The following BSN variants were observed in gnomAD, a reference collection of about 807,000 sequenced individuals.
BSN encodes protein bassoon.
A neutral mutation model predicts 264.8 loss-of-function variants in BSN; 57 were observed. The observed-to-expected ratio is 0.22, with a 90% confidence interval of 0.17 to 0.27. The LOEUF is 0.27. Among genes scored for constraint, BSN ranks in the 10% least tolerant of loss-of-function variants. The pLI is 1.00. For missense variants in BSN, 4,615 were observed against 5,232.5 expected (o/e 0.88, Z 3.64); for synonymous variants, 2,059 against 2,137.3 (o/e 0.96, Z 1.01).
chr3:49,559,925 A>G (rs570109128), intron 1 of BSN, among the ~76,000 whole-genome samples: 1 of 152,364 alleles, frequency 6.6e-6, no homozygotes, highest in Non-Finnish European at 1.5e-5. Context: ...GAGTTCACTG[A>G]AAGCAGAACC....
chr3:49,612,239 C>T (rs904071532), intron 1 of BSN, among the ~76,000 whole-genome samples: 1 of 152,020 alleles, frequency 6.6e-6, no homozygotes, highest in African/African-American at 2.4e-5. Context: ...GGGTTCACGC[C>T]GTCCTCCTTC....
intron 2 of BSN, among the ~76,000 whole-genome samples, chr3:49,641,337 A>G (rs182907600): frequency 6.6e-6 from 1 of 152,322 alleles, no homozygotes; most frequent in East Asian, 1.9e-4. Context: ...CTGCAAAGCT[A>G]CATCCTTCTG....
Position 49,655,855 on chromosome 3 carries a change from G to T in BSN, c.6299G>T (p.Arg2100Leu). 2 of 1,613,200 alleles carry T rather than the reference G, an allele frequency of 1.2e-6. No individual in the cohort carries two copies. Among genetic ancestry groups the T allele is most frequent in the South Asian group, 1.1e-5 (1 of 91,078 alleles). ...GCCACCACAGCCCGTGAAATCAGTCGCATGTGCGCTGCCCTCAACTCCATG... is the reference window on the plus strand; with the variant it reads ...GCCACCACAGCCCGTGAAATCAGTCTCATGTGCGCTGCCCTCAACTCCATG... ...YSATTAREISRMCAALNSMDQ... is the reference protein window; with the variant it reads ...YSATTAREISLMCAALNSMDQ... Residue 2100 changes from arginine (R) to leucine (L), a missense_variant, in exon 5 of 12, where the codon CGC becomes CTC. Around this residue, in one of 3 missense-constraint regions of BSN, gnomAD observed 3,415 missense variants for 3,866.4 expected, o/e 0.88. Coordinates refer to ENST00000296452, the MANE Select transcript of BSN (RefSeq NM_003458.4).
At chr3:49,662,667 G>C in intron 6 of BSN, 105 bp downstream of exon 6, 1 of 1,449,056 alleles carries the variant, frequency 6.9e-7, no homozygotes, top group Non-Finnish European at 9.1e-7. Context: ...CTGGTCTGGC[G>C]CCTCATCTGG....
chr3:49,574,099 G>A (rs1050786881), intron 1 of BSN, among the ~76,000 whole-genome samples: 2 of 151,082 alleles, frequency 1.3e-5, no homozygotes, highest in South Asian at 2.1e-4. Context: ...AGAGGTGTGC[G>A]TCGCCACATC....
At position 49,661,469 on chromosome 3, in the gene BSN, G is replaced by C; in HGVS notation, c.9624G>C (p.Gln3208His). 1 of 1,613,204 alleles carries C rather than the reference G, an allele frequency of 6.2e-7. No individual in the cohort carries two copies. The highest frequency in any genetic ancestry group is 8.5e-7 in the Non-Finnish European group (1 of 1,179,828). ...CTGGTGACCGTGGCAGTGTGAGCCAGAGCCCAGCCCCCACCTACCCCTCTG... is the reference window on the plus strand; with the variant it reads ...CTGGTGACCGTGGCAGTGTGAGCCACAGCCCAGCCCCCACCTACCCCTCTG... Reference protein sequence around the residue: ...PRAGDRGSVSQSPAPTYPSDS... With the variant: ...PRAGDRGSVSHSPAPTYPSDS... The change falls in exon 6 of 12, where the codon CAG becomes CAC. Residue 3208 changes from glutamine (Q) to histidine (H), a missense_variant. Gln to His is a conservative substitution (Grantham distance 24). Around this residue, in one of 3 missense-constraint regions of BSN, gnomAD observed 3,415 missense variants for 3,866.4 expected, o/e 0.88. Coordinates refer to ENST00000296452, the MANE Select transcript of BSN (RefSeq NM_003458.4).
chr3:49,618,958 A>G (rs754405058), intron 1 of BSN, among the ~76,000 whole-genome samples: 8 of 152,230 alleles, frequency 5.3e-5, no homozygotes, highest in Non-Finnish European at 1.2e-4. Flanking sequence ...AAGAATACCT[A>G]TACAACATGT....
chr3:49,651,558 C>A lies in BSN; in HGVS notation c.2002C>A (p.Pro668Thr). Residue 668 changes from proline to threonine, a missense_variant, in exon 5 of 12, where the codon CCT becomes ACT. Physicochemically the swap from Pro to Thr is conservative, Grantham distance 38. Coordinates refer to ENST00000296452, the MANE Select transcript of BSN (RefSeq NM_003458.4). This position sits in a 1 kb window ranked among gnomAD's most constrained non-coding sequence, Gnocchi z 5.4. Reference protein sequence around the residue: ...GGEAEDLVGKPYSQDASRSPQ... With the variant: ...GGEAEDLVGKTYSQDASRSPQ... The stretch of plus-strand genomic sequence containing the variant: ...CCTGCTGCAGGACCTGGTGGGCAAG[C>A]CTTACTCTCAGGATGCGTCTCGGAG... 1.9e-6 allele frequency: 3 copies of A among 1,580,800 alleles called. No individual in the cohort carries two copies. Among genetic ancestry groups the A allele is most frequent in the Non-Finnish European group, 2.6e-6 (3 of 1,161,640 alleles).
intron 1 of BSN, 100 bp downstream of exon 1, chr3:49,554,926 C>T (rs1259290802): frequency 1.4e-6 from 1 of 698,278 alleles, no homozygotes; most frequent in Non-Finnish European, 1.9e-6. Flanking sequence ...CGAGGTTCGA[C>T]GTCCGGCCGC....
intron 1 of BSN, among the ~76,000 whole-genome samples, chr3:49,555,653 G>A (rs890937898): frequency 1.3e-5 from 2 of 152,226 alleles, no homozygotes; most frequent in Non-Finnish European, 2.9e-5. Context: ...AAGTGGCAAT[G>A]AAGGCTGTAA....
intron 1 of BSN, among the ~76,000 whole-genome samples, chr3:49,622,816 A>G (rs2052315785): frequency 6.6e-6 from 1 of 152,220 alleles, no homozygotes; most frequent in Non-Finnish European, 1.5e-5. Context: ...TGGGCCACTG[A>G]TGCTGTGGCC....
rs773249548 is a variant in BSN at position 49,654,545 on chromosome 3, T to G, written c.4989T>G (p.Thr1663=). Reference sequence around the variant, plus strand: ...AGCCAGGCCCCAGGACCCCTGGCACTGCAGTGGTAGACCTCCGTACAGCTG... The same window carrying G: ...AGCCAGGCCCCAGGACCCCTGGCACGGCAGTGGTAGACCTCCGTACAGCTG... ...RVEPGPRTPG[T]AVVDLRTAVK... is the part of the protein sequence containing the mutation. The change falls in exon 5 of 12, where the codon ACT becomes ACG. Residue 1663 remains threonine (T), a synonymous_variant. Transcript: ENST00000296452. This position sits in a 1 kb window ranked among gnomAD's most constrained non-coding sequence, Gnocchi z 4.1. The G allele has an allele frequency of 1.4e-5, 22 of 1,610,500 alleles. No homozygotes were observed. Among genetic ancestry groups the G allele is most frequent in the African/African-American group, 4.0e-5 (3 of 74,890 alleles).
chr3:49,605,272 T>C (rs1344403968), intron 1 of BSN, among the ~76,000 whole-genome samples: 2 of 106,302 alleles, frequency 1.9e-5, no homozygotes, highest in South Asian at 2.6e-4. Flanking sequence ...AATATATATA[T>C]ACATATATAT....
chr3:49,582,294 G>A (rs755531434), intron 1 of BSN, among the ~76,000 whole-genome samples: 9 of 152,142 alleles, frequency 5.9e-5, no homozygotes, highest in Non-Finnish European at 1.0e-4. Flanking sequence ...GTCTGTTCAA[G>A]TCCTTTGCCT....
At chr3:49,557,430 C>T (rs1233665949) in intron 1 of BSN, among the ~76,000 whole-genome samples, 1 of 152,172 alleles carries the variant, frequency 6.6e-6, no homozygotes, top group Non-Finnish European at 1.5e-5. Context: ...TTTATTTATA[C>T]ATACACTCGT....
intron 2 of BSN, among the ~76,000 whole-genome samples, chr3:49,633,551 A>G (rs1464308530): frequency 1.3e-5 from 2 of 152,194 alleles, no homozygotes; most frequent in African/African-American, 2.4e-5. Context: ...TAGAATTACC[A>G]TATGATCCAA....
Position 49,625,074 on chromosome 3 carries a change from C to T in BSN, c.324C>T (p.Ser108=), listed in dbSNP as rs764844351. The stretch of plus-strand genomic sequence containing the variant: ...CTGCTACCACTCCTGGCCATGAGAG[C>T]CCCCGAGAGACAAGGGCACAGGGAC... The part of the protein sequence containing the change: ...QASATTPGHE[S]PRETRAQGPA... The change falls in exon 2 of 12, where the codon AGC becomes AGT. Residue 108 remains serine, a synonymous_variant. Transcript: ENST00000296452. This position sits in a 1 kb window ranked among gnomAD's most constrained non-coding sequence, Gnocchi z 4.4. 1.9e-6 allele frequency: 3 copies of T among 1,606,698 alleles called. No individual in the cohort carries two copies. In the South Asian group the frequency reaches 3.3e-5, roughly 18 times the overall value.
chr3:49,663,111 G>A lies in BSN; in HGVS notation c.10953G>A (p.Gly3651=), dbSNP rs749880001. 1 of 1,611,638 alleles carries A rather than the reference G, an allele frequency of 6.2e-7. No individual in the cohort carries two copies. Among genetic ancestry groups the A allele is most frequent in the South Asian group, 1.1e-5 (1 of 91,022 alleles). The part of the protein sequence containing the change: ...SAKEHRHGDH[G]RHSGRHTGEE... ...AGGAACACCGGCACGGTGACCACGG[G>A]CGGCACTCAGGCCGCCACACTGGTG... The change falls in exon 7 of 12, where the codon GGG becomes GGA. Residue 3651 remains glycine, a synonymous_variant. Transcript: ENST00000296452.
chr3:49,642,352 C>A lies in BSN; in HGVS notation c.718C>A (p.Gln240Lys). The change falls in exon 3 of 12, where the codon CAG (glutamine) becomes AAG (lysine). Residue 240 changes from glutamine to lysine, a missense_variant. Gln to Lys is a moderately conservative substitution (Grantham distance 53). This residue lies in a region of BSN where 1,197 missense variants were observed against 1,348.0 expected (regional missense o/e 0.89). Coordinates refer to ENST00000296452, the MANE Select transcript of BSN (RefSeq NM_003458.4). This position sits in a 1 kb window ranked among gnomAD's most constrained non-coding sequence, Gnocchi z 7.0. Reference protein sequence around the residue: ...MTTAPRSKSQQQLHSPALSPA... With the variant: ...MTTAPRSKSQKQLHSPALSPA... The stretch of plus-strand genomic sequence containing the variant: ...CACTGCACCTCGCTCCAAGAGCCAG[C>A]AGCAGCTGCACTCCCCAGCCCTGTC... 1 of 1,598,866 alleles carries A rather than the reference C, an allele frequency of 6.3e-7. No homozygotes were observed. Among genetic ancestry groups the A allele is most frequent in the Non-Finnish European group, 8.5e-7 (1 of 1,172,452 alleles).
Sources: allele counts gnomAD v4.1 joint callset (sites outside exome capture counted in the v4.1 genomes callset), GRCh38; gene constraint gnomAD v4.1.1; regional missense constraint gnomAD v4.1.1; non-coding constraint Gnocchi (gnomAD v3.1); transcripts MANE v1.5; gene names NCBI Gene and HGNC (gene_info 2026-07-23, HGNC 2026-07-21).